Variants in ERBB4 observed in about 807,000 individuals in gnomAD.
The protein encoded by ERBB4 is erb-b2 receptor tyrosine kinase 4, also known as receptor tyrosine-protein kinase erbB-4.
Under a neutral mutation model 158.0 loss-of-function variants are expected in ERBB4, and 42 were observed. The ratio of observed to expected loss-of-function variants is 0.27; its 90% CI spans 0.21 to 0.34. ERBB4 has a LOEUF of 0.34. ERBB4 is among the 10% of genes least tolerant of loss of function. ERBB4 has a pLI of 1.00. For synonymous variants in ERBB4, 583 were observed against 558.7 expected (o/e 1.04, Z -0.61); for missense variants, 1,333 against 1,624.1 (o/e 0.82, Z 3.08).
At chr2:211,451,470 G>A (rs1366756993) in intron 20 of ERBB4, among the ~76,000 whole-genome samples, 4 of 152,286 alleles carry the variant, frequency 2.6e-5, no homozygotes, top group African/African-American at 9.6e-5. Flanking sequence ...GAGGCAGGAT[G>A]TAGAAAGAAA....
intron 1 of ERBB4, among the ~76,000 whole-genome samples, chr2:212,214,162 T>C (rs1464502675): frequency 2.0e-5 from 3 of 151,784 alleles, no homozygotes; most frequent in East Asian, 3.9e-4. Flanking sequence ...TTTTTACACA[T>C]ATGGGAATAA....
chr2:211,487,120 A>C lies in ERBB4; in HGVS notation c.2488-56020T>G, dbSNP rs541750877. Among the ~76,000 whole-genome samples, 13 of 149,394 alleles carry C rather than the reference A, an allele frequency of 8.7e-5. No homozygotes were observed. The South Asian group carries it at 2.6e-3, about 30-fold the overall frequency. ...CATTAACTCGTCATTTACATTAGATATATCTCCTAATGCTATCCCTCCCCC... is the reference window on the plus strand; with the variant it reads ...CATTAACTCGTCATTTACATTAGATCTATCTCCTAATGCTATCCCTCCCCC... On this transcript the variant is annotated intron_variant, in intron 20 of 27. Transcript: ENST00000342788.
chr2:211,839,550 A>T (rs943592118), intron 3 of ERBB4, among the ~76,000 whole-genome samples: 5 of 152,106 alleles, frequency 3.3e-5, no homozygotes, highest in African/African-American at 1.2e-4. Flanking sequence ...GTAGATCCAT[A>T]CCACAAGAAG....
intron 20 of ERBB4, among the ~76,000 whole-genome samples, chr2:211,531,507 C>T (rs10193647): frequency 0.34 from 51,006 of 151,972 alleles, 9,749 homozygotes; most frequent in East Asian, 0.62. Context: ...TAGATCTGAA[C>T]AGACATTTCT....
intron 1 of ERBB4, among the ~76,000 whole-genome samples, chr2:212,385,832 T>C (rs568189371): frequency 7.2e-5 from 11 of 152,044 alleles, no homozygotes; most frequent in African/African-American, 2.4e-4. Flanking sequence ...AATTTATATA[T>C]TGAACATTTT....
chr2:212,354,114 C>T (rs988815509), intron 1 of ERBB4, among the ~76,000 whole-genome samples: 1 of 152,076 alleles, frequency 6.6e-6, no homozygotes, highest in African/African-American at 2.4e-5. Flanking sequence ...AATGAAGGCT[C>T]TTCATATTTT....
At chr2:212,025,253 T>C (rs2076747064) in intron 2 of ERBB4, among the ~76,000 whole-genome samples, 1 of 151,764 alleles carries the variant, frequency 6.6e-6, no homozygotes, top group African/African-American at 2.4e-5. Flanking sequence ...ACCATACCCA[T>C]TATGAGAAGG....
intron 12 of ERBB4, among the ~76,000 whole-genome samples, chr2:211,694,822 G>A (rs1433468715): frequency 6.6e-6 from 1 of 152,098 alleles, no homozygotes; most frequent in Admixed American, 6.6e-5. Flanking sequence ...GTTTGTAAAA[G>A]CACATTTACT....
intron 14 of ERBB4, among the ~76,000 whole-genome samples, chr2:211,672,268 T>C (rs2071873090): frequency 6.6e-6 from 1 of 152,142 alleles, no homozygotes; most frequent in African/African-American, 2.4e-5. Flanking sequence ...CATTCAAATG[T>C]TGGTCTCAAA....
At chr2:212,213,137 G>A (rs913024843) in intron 1 of ERBB4, among the ~76,000 whole-genome samples, 4 of 151,660 alleles carry the variant, frequency 2.6e-5, no homozygotes, top group African/African-American at 7.3e-5. Context: ...GGCAACCTAC[G>A]AATAGGAGAA....
At chr2:211,530,480 C>T (rs2066465143) in intron 20 of ERBB4, among the ~76,000 whole-genome samples, 1 of 152,044 alleles carries the variant, frequency 6.6e-6, no homozygotes, top group Non-Finnish European at 1.5e-5. Flanking sequence ...ATATTTTTCA[C>T]AGAAATGGAA....
intron 20 of ERBB4, among the ~76,000 whole-genome samples, chr2:211,479,153 G>A (rs573058372): frequency 6.6e-6 from 1 of 152,246 alleles, no homozygotes; most frequent in Non-Finnish European, 1.5e-5. Flanking sequence ...TCCTGGTTTA[G>A]TAGGTATGGA....
intron 3 of ERBB4, among the ~76,000 whole-genome samples, chr2:211,917,071 A>G (rs1381432055): frequency 6.6e-6 from 1 of 152,146 alleles, no homozygotes; most frequent in Non-Finnish European, 1.5e-5. Flanking sequence ...GCCACGGCTG[A>G]TGTGAGGATT....
At chr2:212,406,111 T>C (rs2091336707) in intron 1 of ERBB4, among the ~76,000 whole-genome samples, 1 of 152,082 alleles carries the variant, frequency 6.6e-6, no homozygotes. Flanking sequence ...ATTTGATCAA[T>C]TTTTGTCTCT....
At chr2:211,451,194 T>C (rs2064237112) in intron 20 of ERBB4, among the ~76,000 whole-genome samples, 1 of 152,104 alleles carries the variant, frequency 6.6e-6, no homozygotes, top group South Asian at 2.1e-4. Flanking sequence ...GTTTCAAATA[T>C]GGAATGACTG....
chr2:212,414,682 T>A (rs2091601493), intron 1 of ERBB4, among the ~76,000 whole-genome samples: 1 of 152,206 alleles, frequency 6.6e-6, no homozygotes, highest in Admixed American at 6.5e-5. Context: ...GCAGAAATTA[T>A]AAATGAGTAC....
chr2:211,945,296 G>C (rs2080651430), intron 3 of ERBB4, among the ~76,000 whole-genome samples: 1 of 151,940 alleles, frequency 6.6e-6, no homozygotes, highest in South Asian at 2.1e-4. Flanking sequence ...CTTACAATTG[G>C]AGTAACACTA....
intron 3 of ERBB4, among the ~76,000 whole-genome samples, chr2:211,881,424 C>T (rs150034198): frequency 2.6e-3 from 402 of 152,186 alleles, no homozygotes; most frequent in African/African-American, 9.0e-3. Context: ...GAAGCTTGCA[C>T]GGGGGAATGC....
rs1575225069 is a variant in ERBB4, at chr2:211,839,207, G to T, written c.422-51048C>A. Among the ~76,000 whole-genome samples the T allele has an allele frequency of 5.6e-5, 5 of 89,566 alleles. No homozygotes were observed. In the South Asian group the frequency reaches 2.4e-3, roughly 42 times the overall value. The allele number at this position is 89,566 out of a possible 152,430, so 58.8% of individuals were successfully genotyped here. A position where few individuals can be genotyped will look rare whatever the true frequency, so the allele number is the denominator to read the frequency against. On this transcript the variant is annotated intron_variant, in intron 3 of 27. Transcript: ENST00000342788. ...GAGGAGGAGGAGGGAAAGAAAGAAA[G>T]AGAGAGAGAGAGAAAGAGAGAAAGA...
Sources: gnomAD v4.1 joint callset for allele counts (sites outside exome capture counted in the v4.1 genomes callset) on GRCh38, gnomAD v4.1.1 for gene constraint, MANE v1.5 for transcripts, NCBI Gene and HGNC (gene_info 2026-07-23, HGNC 2026-07-21) for gene names.